The following CKAP2 variants were observed in gnomAD, a reference collection of about 807,000 sequenced individuals.
CKAP2 encodes cytoskeleton associated protein 2.
Under a neutral mutation model 58.4 loss-of-function variants are expected in CKAP2, and 46 were observed. The observed-to-expected ratio is 0.79, with a 90% CI of 0.62 to 1.01. The LOEUF (loss-of-function observed/expected upper bound fraction) is 1.01, where lower values mean the gene tolerates loss of function less well. Among genes scored for constraint, CKAP2 ranks in the 50% least tolerant of loss-of-function variants. CKAP2 has a pLI of 0.00. For missense variants in CKAP2, 809 were observed against 796.4 expected (o/e 1.02, Z -0.19); for synonymous variants, 293 against 280.9 (o/e 1.04, Z -0.43).
rs778068708 is a variant in CKAP2 at position 52,465,286 on chromosome 13, CT to C, written c.1306-3del. The C allele has an allele frequency of 1.9e-6, 3 of 1,595,854 alleles. No homozygotes were observed. In the African/African-American group the frequency reaches 4.1e-5, roughly 22 times the overall value. On this transcript the variant is annotated splice_region_variant and splice_polypyrimidine_tract_variant and intron_variant, in intron 5 of 8. Transcript: ENST00000258607. Reference sequence around the variant, plus strand: ...AAAATATTACACACATTTTTTCTTGCTTTTTTAGGGATGTCCAAAAGAAGAT... The same window carrying C: ...AAAATATTACACACATTTTTTCTTGCTTTTTAGGGATGTCCAAAAGAAGAT...
chr13:52,456,603 T>C lies in CKAP2; in HGVS notation c.151T>C (p.Ser51Pro), dbSNP rs1958485078. 1.2e-6 allele frequency: 2 copies of C among 1,609,958 alleles called. No homozygotes were observed. Among genetic ancestry groups the C allele is most frequent in the Admixed American group, 1.7e-5 (1 of 59,926 alleles). The change falls in exon 2 of 9, where the codon TCC becomes CCC. Residue 51 changes from serine to proline, a missense_variant. Physicochemically the swap from Ser to Pro is moderately conservative, Grantham distance 74. This residue lies in a region of CKAP2 where 523 missense variants were observed against 492.4 expected (regional missense o/e 1.06). Coordinates refer to ENST00000258607, the MANE Select transcript of CKAP2 (RefSeq NM_018204.5). Reference sequence around the variant, plus strand: ...ATACAAGCAGGAAAATGAGATGTTATCCAGGTAAGGTCAAGTTTATTTCTT... The same window carrying C: ...ATACAAGCAGGAAAATGAGATGTTACCCAGGTAAGGTCAAGTTTATTTCTT... ...FAYKQENEML[S>P]SRDQRVVTSE...
Position 52,473,849 on chromosome 13 carries a change from T to TG in CKAP2, c.1568dup (p.Cys523TrpfsTer13). On this transcript the variant is annotated frameshift_variant, in exon 8 of 9. Transcript: ENST00000258607. LOFTEE classifies it high-confidence loss of function. Reference sequence around the variant, plus strand: ...TATAGGAGAAAATATGGAGAAGTCTTGTGCAAGCAAGGAAGAAGTCAAAGA... The same window carrying TG: ...TATAGGAGAAAATATGGAGAAGTCTTGGTGCAAGCAAGGAAGAAGTCAAAGA... The TG allele has an allele frequency of 6.2e-7, 1 of 1,609,406 alleles. No homozygotes were observed. The highest frequency in any genetic ancestry group is 8.5e-7 in the Non-Finnish European group (1 of 1,178,296).
chr13:52,456,045 A>G (rs1482281140), intron 1 of CKAP2: 2 of 1,032,372 alleles, frequency 1.9e-6, no homozygotes, highest in East Asian at 1.8e-4. Context: ...ATCATGTGTT[A>G]TTTCCAATTT....
Position 52,461,559 on chromosome 13 carries a change from A to G in CKAP2, c.733A>G (p.Thr245Ala), listed in dbSNP as rs1167730835. The G allele has an allele frequency of 1.2e-6, 2 of 1,614,192 alleles. No homozygotes were observed. Among genetic ancestry groups the G allele is most frequent in the East Asian group, 2.2e-5 (1 of 44,888 alleles). ...TGCCACTACTAAATTTGTGAGCACT[A>G]CATCTCAGAACACACAACTTGTGCG... ...MTATTKFVST[T>A]SQNTQLVRPP... Residue 245 changes from threonine to alanine, a missense_variant, in exon 4 of 9, where the codon ACA becomes GCA. Thr to Ala is a moderately conservative substitution (Grantham distance 58). This residue lies in a region of CKAP2 where 523 missense variants were observed against 492.4 expected (regional missense o/e 1.06). Coordinates refer to ENST00000258607, the MANE Select transcript of CKAP2 (RefSeq NM_018204.5).
At chr13:52,465,967 A>ACACACATATATGCACACATATATG (rs151220880) in intron 6 of CKAP2, 3 of 125,754 alleles carry the variant, frequency 2.4e-5, no homozygotes, top group Admixed American at 1.1e-4. Flanking sequence ...ACACATATAT[A>ACACACATATATGCACACATATATG]CACACATATA....
Position 52,475,951 on chromosome 13 carries a change from C to G in CKAP2, c.*810C>G, listed in dbSNP as rs866291159. The G allele has an allele frequency of 2.0e-5, 3 of 152,088 alleles. No homozygotes were observed. The highest frequency in any genetic ancestry group is 7.2e-5 in the African/African-American group (3 of 41,410). The allele number at this position is 152,088 out of a possible 1,614,324, so 9.4% of individuals were successfully genotyped here. A position where few individuals can be genotyped will look rare whatever the true frequency, so the allele number is the denominator to read the frequency against. Reference sequence around the variant, plus strand: ...TAGGGAAAGAACATATCATACTGAACAAATGTCATTCTAGTTTAGATAGCA... The same window carrying G: ...TAGGGAAAGAACATATCATACTGAAGAAATGTCATTCTAGTTTAGATAGCA... On this transcript the variant is annotated 3_prime_UTR_variant, in exon 9 of 9. Transcript: ENST00000258607.
At position 52,455,575 on chromosome 13, in the gene CKAP2, C is replaced by A. The variant is rs146292755; in HGVS notation, c.19C>A (p.Pro7Thr). Reference protein sequence around the residue: MSTPAVPQDLQLPPSQR... With the variant: MSTPAVTQDLQLPPSQR... Reference sequence around the variant, plus strand: ...GGCTACGATGAGCACACCGGCCGTGCCCCAGGACCTGCAGCTGCCCCCGAG... The same window carrying A: ...GGCTACGATGAGCACACCGGCCGTGACCCAGGACCTGCAGCTGCCCCCGAG... The change falls in exon 1 of 9, where the codon CCC (proline) becomes ACC (threonine). Residue 7 changes from proline to threonine, a missense_variant. Around this residue, in one of 3 missense-constraint regions of CKAP2, gnomAD observed 523 missense variants for 492.4 expected, o/e 1.06. Transcript: ENST00000258607. The A allele has an allele frequency of 1.9e-6, 3 of 1,612,382 alleles. No individual in the cohort carries two copies. The South Asian group carries it at 3.3e-5, about 18-fold the overall frequency.
intron 5 of CKAP2, 56 bp downstream of exon 5, chr13:52,462,623 A>C: frequency 7.5e-7 from 1 of 1,333,714 alleles, no homozygotes; most frequent in Non-Finnish European, 1.0e-6. Context: ...CTTCATAAGC[A>C]TTATTTCATT....
At chr13:52,469,067 A>G (rs1415799450) in intron 7 of CKAP2, among the ~76,000 whole-genome samples, 2 of 152,222 alleles carry the variant, frequency 1.3e-5, no homozygotes, top group Admixed American at 6.5e-5. Flanking sequence ...AAGGATAGCC[A>G]TTCTGACTGG....
At chr13:52,468,218 A>C in intron 6 of CKAP2, 60 bp from the exon 7 acceptor site, 1 of 973,760 alleles carries the variant, frequency 1.0e-6, no homozygotes, top group Non-Finnish European at 1.6e-6. Flanking sequence ...TTGGATACCT[A>C]GTTAATGTCA....
In CKAP2 at chr13:52,462,420, T is replaced by G. The variant is rs200669300; in HGVS notation, c.1158T>G (p.Asn386Lys). 2.5e-6 allele frequency: 4 copies of G among 1,614,080 alleles called. No homozygotes were observed. In the East Asian group the frequency reaches 8.9e-5, roughly 36 times the overall value. ...GAAGAGTGCTAAAAAGGCCCCCTAA[T>G]TCAGTAGTTACTCAGCATGAGCCTG... ...GKGRVLKRPPNSVVTQHEPAG... is the reference protein window; with the variant it reads ...GKGRVLKRPPKSVVTQHEPAG... Residue 386 changes from asparagine (N) to lysine (K), a missense_variant, in exon 5 of 9, where the codon AAT becomes AAG. This residue lies in a region of CKAP2 where 523 missense variants were observed against 492.4 expected (regional missense o/e 1.06). Transcript: ENST00000258607.
chr13:52,462,640 T>C (rs1293460421), intron 5 of CKAP2, 73 bp downstream of exon 5: 4 of 1,216,250 alleles, frequency 3.3e-6, no homozygotes, highest in Non-Finnish European at 4.6e-6. Flanking sequence ...CATTAAATTA[T>C]ATTGTCAGTC....
chr13:52,456,264 T>C (rs1958477950), intron 1 of CKAP2: 7 of 909,938 alleles, frequency 7.7e-6, no homozygotes, highest in African/African-American at 1.7e-5. Context: ...ATGTAGAAAA[T>C]GATGTTCTCC....
chr13:52,468,219 G>C lies in CKAP2; in HGVS notation c.1477-59G>C, dbSNP rs375261999. 291 of 1,020,738 alleles carry C rather than the reference G, an allele frequency of 2.9e-4. 1 individual carries two copies. Among genetic ancestry groups the C allele is most frequent in the Non-Finnish European group, 3.4e-4 (229 of 675,526 alleles). 63.2% of individuals were successfully genotyped at this position (1,020,738 alleles called of 1,614,324 possible). ...AATTTAATCGCGACTTGGATACCTA[G>C]TTAATGTCAGAGAAAATAAAACTTA... On this transcript the variant is annotated intron_variant, in intron 6 of 8. Coordinates refer to ENST00000258607, the MANE Select transcript of CKAP2 (RefSeq NM_018204.5).
In CKAP2 at chr13:52,465,416, T is replaced by C. The variant is rs1293901758; in HGVS notation, c.1427T>C (p.Ile476Thr). 6 of 1,613,412 alleles carry C rather than the reference T, an allele frequency of 3.7e-6. No homozygotes were observed. Among genetic ancestry groups the C allele is most frequent in the Non-Finnish European group, 5.1e-6 (6 of 1,179,662 alleles). ...LALIEPITSP[I>T]ENIIAIYEKA... Reference sequence around the variant, plus strand: ...CTTATTGAACCAATCACAAGTCCTATTGAAAATATTATTGCAATCTATGAG... The same window carrying C: ...CTTATTGAACCAATCACAAGTCCTACTGAAAATATTATTGCAATCTATGAG... The change falls in exon 6 of 9, where the codon ATT (isoleucine) becomes ACT (threonine). Residue 476 changes from isoleucine (I) to threonine (T), a missense_variant. Ile to Thr is a moderately conservative substitution (Grantham distance 89). Coordinates refer to ENST00000258607, the MANE Select transcript of CKAP2 (RefSeq NM_018204.5).
chr13:52,473,047 TAAA>T (rs201486101), intron 7 of CKAP2, among the ~76,000 whole-genome samples: 3 of 137,938 alleles, frequency 2.2e-5, no homozygotes, highest in African/African-American at 2.7e-5. Context: ...ACCCTGTCTC[TAAA>T]AAAAAAAAAA....
chr13:52,463,713 G>A (rs1349257574), intron 5 of CKAP2, among the ~76,000 whole-genome samples: 1 of 152,156 alleles, frequency 6.6e-6, no homozygotes, highest in African/African-American at 2.4e-5. Context: ...GGGTTCTCTA[G>A]GGATAAGGAG....
intron 6 of CKAP2, among the ~76,000 whole-genome samples, chr13:52,467,976 A>AT (rs1423524768): frequency 2.6e-5 from 4 of 151,750 alleles, no homozygotes; most frequent in African/African-American, 4.8e-5. Context: ...CGCCCGGCTC[A>AT]TTTTTTTGTG....
At chr13:52,470,604 TG>T (rs1958749064) in intron 7 of CKAP2, among the ~76,000 whole-genome samples, 1 of 151,600 alleles carries the variant, frequency 6.6e-6, no homozygotes, top group East Asian at 1.9e-4. Flanking sequence ...ATGTATTAAC[TG>T]AAAAAAAAAA....
Sources: gnomAD v4.1 joint callset for allele counts (sites outside exome capture counted in the v4.1 genomes callset) on GRCh38, gnomAD v4.1.1 for gene constraint, gnomAD v4.1.1 regional missense constraint, MANE v1.5 for transcripts, NCBI Gene and HGNC (gene_info 2026-07-23, HGNC 2026-07-21) for gene names.